The following CDK14 variants were observed in gnomAD, a reference collection of about 807,000 sequenced individuals.
CDK14 encodes cyclin dependent kinase 14, also known as cyclin-dependent kinase 14.
Under a neutral mutation model 60.7 loss-of-function variants are expected in CDK14, and 34 were observed. The ratio of observed to expected loss-of-function variants is 0.56; its 90% confidence interval spans 0.43 to 0.75. The LOEUF (loss-of-function observed/expected upper bound fraction) is 0.75, where lower values mean the gene tolerates loss of function less well. Among genes scored for constraint, CDK14 ranks in the 30% least tolerant of loss-of-function variants. The pLI is 0.00. For synonymous variants in CDK14, 197 were observed against 203.7 expected (o/e 0.97, Z 0.28); for missense variants, 482 against 564.1 (o/e 0.85, Z 1.47).
intron 14 of CDK14, among the ~76,000 whole-genome samples, chr7:91,127,024 G>A (rs1022797999): frequency 5.3e-5 from 8 of 152,094 alleles, no homozygotes; most frequent in Admixed American, 3.3e-4. Flanking sequence ...CTTCGAGGCA[G>A]GGGGTGCCAC....
intron 10 of CDK14, among the ~76,000 whole-genome samples, chr7:91,004,816 C>G (rs1795935999): frequency 6.6e-6 from 1 of 152,200 alleles, no homozygotes; most frequent in South Asian, 2.1e-4. Flanking sequence ...AGGGTTCAGT[C>G]TGGTCAAAAC....
intron 6 of CDK14, among the ~76,000 whole-genome samples, chr7:90,898,541 T>A (rs1051893223): frequency 1.1e-4 from 17 of 152,016 alleles, no homozygotes; most frequent in African/African-American, 4.1e-4. Flanking sequence ...TATAGTACAC[T>A]CCAATAAAAT....
At chr7:90,689,123 AGTT>A (rs986807584) in intron 2 of CDK14, among the ~76,000 whole-genome samples, 10 of 152,148 alleles carry the variant, frequency 6.6e-5, no homozygotes, top group Admixed American at 2.6e-4. Context: ...TCAATACTGT[AGTT>A]GTAGGTATCT....
chr7:90,973,429 A>T (rs1304299760), intron 9 of CDK14, among the ~76,000 whole-genome samples: 1 of 152,188 alleles, frequency 6.6e-6, no homozygotes, highest in Non-Finnish European at 1.5e-5. Flanking sequence ...GCCTTTGCTA[A>T]CACATGGATG....
intron 14 of CDK14, among the ~76,000 whole-genome samples, chr7:91,169,003 A>G (rs1043394086): frequency 6.6e-6 from 1 of 152,194 alleles, no homozygotes; most frequent in Non-Finnish European, 1.5e-5. Flanking sequence ...AATAGAAACC[A>G]TCAGCCTCGC....
chr7:91,141,681 T>C (rs1307648212), intron 14 of CDK14, among the ~76,000 whole-genome samples: 1 of 152,164 alleles, frequency 6.6e-6, no homozygotes, highest in Non-Finnish European at 1.5e-5. Context: ...GCCAGGGCAT[T>C]CCAACCTACA....
chr7:90,848,951 G>A (rs1790556527), intron 5 of CDK14, among the ~76,000 whole-genome samples: 1 of 151,964 alleles, frequency 6.6e-6, no homozygotes, highest in Admixed American at 6.6e-5. Context: ...TCTCCTTCTT[G>A]TCCCTTTTCT....
At chr7:90,804,222 T>G (rs1490058936) in intron 5 of CDK14, among the ~76,000 whole-genome samples, 2 of 152,230 alleles carry the variant, frequency 1.3e-5, no homozygotes, top group Non-Finnish European at 2.9e-5. Flanking sequence ...AAGCAAGTAC[T>G]TAACATATTT....
intron 2 of CDK14, among the ~76,000 whole-genome samples, chr7:90,702,870 C>CT: frequency 6.6e-6 from 1 of 152,098 alleles, no homozygotes; most frequent in South Asian, 2.1e-4. Context: ...TTGGCAGGCT[C>CT]TTTTAAGAGG....
At chr7:91,187,628 G>T (rs149242478) in intron 14 of CDK14, among the ~76,000 whole-genome samples, 1 of 152,306 alleles carries the variant, frequency 6.6e-6, no homozygotes, top group African/African-American at 2.4e-5. Context: ...GAGTTTAGGA[G>T]TGGAGGTTTA....
At chr7:91,075,515 T>C (rs1254193629) in intron 11 of CDK14, among the ~76,000 whole-genome samples, 1 of 152,236 alleles carries the variant, frequency 6.6e-6, no homozygotes, top group Non-Finnish European at 1.5e-5. Flanking sequence ...AATATCATAC[T>C]GAATGGGCAA....
At chr7:91,048,708 G>C (rs891292684) in intron 11 of CDK14, among the ~76,000 whole-genome samples, 1 of 152,158 alleles carries the variant, frequency 6.6e-6, no homozygotes, top group Non-Finnish European at 1.5e-5. Context: ...CCAGTTAGAT[G>C]ACAAAAGGAA....
intron 10 of CDK14, among the ~76,000 whole-genome samples, chr7:91,019,251 C>T (rs1466733169): frequency 9.2e-5 from 14 of 152,176 alleles, no homozygotes; most frequent in Non-Finnish European, 1.5e-5. Flanking sequence ...GGTAGACTGG[C>T]TTGCTCCTGT....
At chr7:90,642,603 C>T (rs10953015) in intron 2 of CDK14, among the ~76,000 whole-genome samples, 52,642 of 151,876 alleles carry the variant, frequency 0.35, 9,284 homozygotes, top group Non-Finnish European at 0.39. Flanking sequence ...TGATATCAAA[C>T]TCCTGGCCTC....
chr7:91,034,354 T>G (rs1442241985), intron 10 of CDK14, among the ~76,000 whole-genome samples: 1 of 152,126 alleles, frequency 6.6e-6, no homozygotes, highest in Non-Finnish European at 1.5e-5. Context: ...TCATTCGCAC[T>G]TTTTTCTTTT....
chr7:90,846,237 G>A (rs75829947), intron 5 of CDK14, among the ~76,000 whole-genome samples: 1,523 of 152,114 alleles, frequency 0.01, 23 homozygotes, highest in African/African-American at 0.034. Context: ...AGCTCATGTG[G>A]GACCTGTACT....
In CDK14 at chr7:90,769,458, T is replaced by G. The variant is rs1311756643; in HGVS notation, c.465-21115T>G. Among the ~76,000 whole-genome samples the G allele has an allele frequency of 2.1e-5, 3 of 141,984 alleles. No homozygotes were observed. In the East Asian group the frequency reaches 6.9e-4, roughly 32 times the overall value. The allele number at this position is 141,984 out of a possible 152,430, so 93.1% of individuals were successfully genotyped here. A position where few individuals can be genotyped will look rare whatever the true frequency, so the allele number is the denominator to read the frequency against. On this transcript the variant is annotated intron_variant, in intron 4 of 14. Coordinates refer to ENST00000380050, the MANE Select transcript of CDK14 (RefSeq NM_001287135.2). ...TTTAGGAAAGCTGACTTCTGTGATT[T>G]CTTTCTCTTTTCTTTCTTTTTTTTT...
intron 10 of CDK14, among the ~76,000 whole-genome samples, chr7:91,033,073 C>T (rs142767552): frequency 2.6e-5 from 4 of 152,272 alleles, no homozygotes; most frequent in African/African-American, 7.2e-5. Flanking sequence ...TTTTGACATA[C>T]GCGTGAGGAT....
At chr7:91,013,488 A>G (rs1258081866) in intron 10 of CDK14, among the ~76,000 whole-genome samples, 1 of 152,142 alleles carries the variant, frequency 6.6e-6, no homozygotes, top group East Asian at 1.9e-4. Flanking sequence ...ATCAAAGGAA[A>G]CTACCAGTTC....
Sources: allele counts gnomAD v4.1 joint callset (sites outside exome capture counted in the v4.1 genomes callset), GRCh38; gene constraint gnomAD v4.1.1; transcripts MANE v1.5; gene names NCBI Gene and HGNC (gene_info 2026-07-23, HGNC 2026-07-21).